The following MSRA variants were observed in gnomAD, a reference collection of about 807,000 sequenced individuals.
The protein encoded by MSRA is methionine sulfoxide reductase A, also known as mitochondrial peptide methionine sulfoxide reductase.
Under a neutral mutation model 31.3 loss-of-function variants are expected in MSRA, and 54 were observed. That is an observed-to-expected ratio of 1.73 (90% CI 1.39 to 2.17). MSRA has a LOEUF of 2.17. MSRA is among the 30% of genes most tolerant of loss of function. MSRA has a pLI of 0.00. For synonymous variants in MSRA, 169 were observed against 116.5 expected (o/e 1.45, Z -2.90); for missense variants, 507 against 300.9 (o/e 1.69, Z -5.07).
chr8:10,156,795 G>A (rs1376527126), intron 1 of MSRA, among the ~76,000 whole-genome samples: 4 of 145,998 alleles, frequency 2.7e-5, no homozygotes, highest in South Asian at 4.4e-4. Context: ...GTTCTGTATC[G>A]ATAAGCTTCA....
chr8:10,215,231 A>G (rs1398443534), intron 2 of MSRA, among the ~76,000 whole-genome samples: 6 of 152,228 alleles, frequency 3.9e-5, no homozygotes, highest in Non-Finnish European at 5.9e-5. Flanking sequence ...CAAAAAGGTT[A>G]TGGAGGAGTC....
At chr8:10,141,477 C>T (rs1014584383) in intron 1 of MSRA, among the ~76,000 whole-genome samples, 1 of 152,208 alleles carries the variant, frequency 6.6e-6, no homozygotes, top group Admixed American at 6.5e-5. Context: ...ATCTCCCCTC[C>T]TGCTTCATCT....
intron 3 of MSRA, among the ~76,000 whole-genome samples, chr8:10,295,602 G>A (rs192576399): frequency 6.6e-6 from 1 of 152,158 alleles, no homozygotes; most frequent in Non-Finnish European, 1.5e-5. Context: ...CCCTGCTGGC[G>A]AAGCACCACC....
chr8:10,248,445 G>T (rs932462480), intron 3 of MSRA, among the ~76,000 whole-genome samples: 8 of 152,130 alleles, frequency 5.3e-5, no homozygotes, highest in Non-Finnish European at 1.2e-4. Context: ...ACGCACATCA[G>T]AGCTTCCACA....
intron 1 of MSRA, chr8:10,095,642 G>C: frequency 1.0e-6 from 1 of 994,050 alleles, no homozygotes; most frequent in Non-Finnish European, 1.2e-6. Context: ...AGTCAAATCA[G>C]CTTCTTTTGT....
intron 3 of MSRA, among the ~76,000 whole-genome samples, chr8:10,267,281 C>T (rs964469938): frequency 2.0e-5 from 3 of 152,184 alleles, no homozygotes; most frequent in Admixed American, 2.0e-4. Context: ...CCGTTCATGA[C>T]AACAGCCAAG....
At chr8:10,267,449 C>A (rs1026954300) in intron 3 of MSRA, among the ~76,000 whole-genome samples, 2 of 152,062 alleles carry the variant, frequency 1.3e-5, no homozygotes, top group African/African-American at 4.8e-5. Flanking sequence ...AGTTCTTGTC[C>A]TTATAATTAT....
intron 1 of MSRA, among the ~76,000 whole-genome samples, chr8:10,159,099 G>A (rs1280233704): frequency 2.6e-5 from 4 of 152,220 alleles, no homozygotes; most frequent in African/African-American, 9.6e-5. Flanking sequence ...GATGATGGAT[G>A]GCAGCAGACA....
chr8:10,223,456 C>G (rs1810704038), intron 2 of MSRA, among the ~76,000 whole-genome samples: 1 of 152,166 alleles, frequency 6.6e-6, no homozygotes, highest in Non-Finnish European at 1.5e-5. Flanking sequence ...ACTCTTTTAC[C>G]TCCACAGACC....
chr8:10,407,086 A>G (rs1422813561), intron 5 of MSRA, among the ~76,000 whole-genome samples: 1 of 152,190 alleles, frequency 6.6e-6, no homozygotes, highest in African/African-American at 2.4e-5. Context: ...TGTGTTACCC[A>G]GGCTGATCTT....
intron 5 of MSRA, among the ~76,000 whole-genome samples, chr8:10,390,892 C>T (rs915188728): frequency 6.6e-6 from 1 of 151,534 alleles, no homozygotes; most frequent in African/African-American, 2.4e-5. Flanking sequence ...AGGAGAATGA[C>T]GTGAACCCGG....
At chr8:10,419,490 C>T (rs1004183900) in intron 5 of MSRA, among the ~76,000 whole-genome samples, 4 of 152,162 alleles carry the variant, frequency 2.6e-5, no homozygotes, top group East Asian at 1.9e-4. Flanking sequence ...AGTAGAATAA[C>T]GGCCCCACCC....
intron 5 of MSRA, among the ~76,000 whole-genome samples, chr8:10,426,728 A>G (rs979399711): frequency 2.6e-5 from 4 of 152,246 alleles, no homozygotes; most frequent in Admixed American, 6.5e-5. Flanking sequence ...TATGGGTGAT[A>G]ATAATAGGAC....
intron 5 of MSRA, among the ~76,000 whole-genome samples, chr8:10,333,780 T>A (rs1040873680): frequency 6.6e-6 from 1 of 151,476 alleles, no homozygotes; most frequent in Non-Finnish European, 1.5e-5. Context: ...CTGACCCTTA[T>A]GAGAGTTTCC....
chr8:10,380,434 T>A (rs1805997151), intron 5 of MSRA, among the ~76,000 whole-genome samples: 1 of 152,188 alleles, frequency 6.6e-6, no homozygotes, highest in African/African-American at 2.4e-5. Context: ...GAGAGCATCA[T>A]TGCAATTCAC....
chr8:10,206,915 C>A (rs549026677), intron 1 of MSRA, among the ~76,000 whole-genome samples: 1 of 152,332 alleles, frequency 6.6e-6, no homozygotes, highest in East Asian at 1.9e-4. Flanking sequence ...CCCCTCCAAG[C>A]GTGGCTTCAG....
At chr8:10,125,322 G>A (rs1350543610) in intron 1 of MSRA, among the ~76,000 whole-genome samples, 1 of 152,168 alleles carries the variant, frequency 6.6e-6, no homozygotes, top group African/African-American at 2.4e-5. Context: ...AGAGTGGTGT[G>A]GTGGCACAGA....
At chr8:10,272,848 A>G (rs753830848) in intron 3 of MSRA, among the ~76,000 whole-genome samples, 1 of 152,232 alleles carries the variant, frequency 6.6e-6, no homozygotes, top group Non-Finnish European at 1.5e-5. Flanking sequence ...TAAAACAGGT[A>G]TCAAGTAAAT....
At chr8:10,065,538 A>G (rs1227832662) in intron 1 of MSRA, among the ~76,000 whole-genome samples, 1 of 152,218 alleles carries the variant, frequency 6.6e-6, no homozygotes, top group East Asian at 1.9e-4. Flanking sequence ...GGAGACACAC[A>G]CCTGACTTAA....
Sources: gnomAD v4.1 joint callset for allele counts (sites outside exome capture counted in the v4.1 genomes callset) on GRCh38, gnomAD v4.1.1 for gene constraint, MANE v1.5 for transcripts, NCBI Gene and HGNC (gene_info 2026-07-23, HGNC 2026-07-21) for gene names.